Variants in ATXN2 observed in about 807,000 individuals in gnomAD.
The protein encoded by ATXN2 is ataxin-2.
Under a neutral mutation model 138.6 loss-of-function variants are expected in ATXN2, and 37 were observed. The ratio of observed to expected loss-of-function variants is 0.27; its 90% CI spans 0.21 to 0.35. The LOEUF is 0.35. Ranked by LOEUF, ATXN2 falls within the 10% of genes least tolerant of loss-of-function variation. The probability of loss-of-function intolerance (pLI) is 1.00; values close to 1 mark genes in which losing one functional copy is unlikely to be tolerated. For missense variants in ATXN2, 1,216 were observed against 1,480.3 expected (o/e 0.82, Z 2.93); for synonymous variants, 549 against 543.7 (o/e 1.01, Z -0.13).
Position 111,598,058 on chromosome 12 carries a change from T to C in ATXN2, c.251+726A>G. ...CTCCCCACCCCTTCCCTTCCCCAGG[T>C]GGGGGAGGGTGGAACGCTGCCGGAG... On this transcript the variant is annotated intron_variant, in intron 1 of 24. Coordinates refer to ENST00000673436, the MANE Select transcript of ATXN2 (RefSeq NM_001372574.1). This position sits in a 1 kb window ranked among gnomAD's most constrained non-coding sequence, Gnocchi z 4.5. The C allele has an allele frequency of 8.6e-7, 1 of 1,156,480 alleles. No individual in the cohort carries two copies. The highest frequency in any genetic ancestry group is 1.1e-6 in the Non-Finnish European group (1 of 922,536). 71.6% of individuals were successfully genotyped at this position (1,156,480 alleles called of 1,614,324 possible).
intron 17 of ATXN2, 72 bp downstream of exon 17, chr12:111,485,641 A>G: frequency 6.4e-7 from 1 of 1,554,656 alleles, no homozygotes; most frequent in Non-Finnish European, 8.8e-7. Flanking sequence ...AGTCACTGAA[A>G]ACCTAAAGAG....
chr12:111,590,362 C>T (rs1004703648), intron 1 of ATXN2, among the ~76,000 whole-genome samples: 1 of 152,076 alleles, frequency 6.6e-6, no homozygotes, highest in Admixed American at 6.6e-5. Context: ...TCCTGAAGGG[C>T]AAGTACTGTC....
chr12:111,486,859 G>A, intron 15 of ATXN2, 35 bp from the exon 16 acceptor site: 1 of 1,558,496 alleles, frequency 6.4e-7, no homozygotes. Context: ...AAATCTACAT[G>A]GACTTTACGT....
At chr12:111,579,849 G>A (rs1029996027) in intron 1 of ATXN2, among the ~76,000 whole-genome samples, 7 of 151,738 alleles carry the variant, frequency 4.6e-5, no homozygotes, top group East Asian at 1.9e-4. Flanking sequence ...ACAGGAGCGC[G>A]CCACCGTGCC....
chr12:111,493,630 A>T (rs567920360), intron 14 of ATXN2, among the ~76,000 whole-genome samples: 2 of 143,772 alleles, frequency 1.4e-5, no homozygotes, highest in Admixed American at 7.0e-5. Context: ...AAGAACTACA[A>T]TTTTTTTTTT....
At chr12:111,517,795 C>A (rs1879939638) in intron 9 of ATXN2, among the ~76,000 whole-genome samples, 1 of 152,070 alleles carries the variant, frequency 6.6e-6, no homozygotes, top group African/African-American at 2.4e-5. Context: ...TACCTCAGAT[C>A]CTTTCTTGAA....
At chr12:111,582,511 G>A (rs948987445) in intron 1 of ATXN2, among the ~76,000 whole-genome samples, 10 of 152,052 alleles carry the variant, frequency 6.6e-5, no homozygotes, top group African/African-American at 2.4e-4. Context: ...AGGAGGCTGA[G>A]GTGGGAGGAT....
intron 1 of ATXN2, among the ~76,000 whole-genome samples, chr12:111,592,031 G>C (rs1308496455): frequency 6.7e-6 from 1 of 149,796 alleles, no homozygotes; most frequent in African/African-American, 2.5e-5. Context: ...GCAGTGAGCT[G>C]AGATTGCACC....
intron 2 of ATXN2, among the ~76,000 whole-genome samples, 165 bp downstream of exon 2, chr12:111,555,718 G>A (rs1882354421): frequency 1.3e-5 from 2 of 149,428 alleles, no homozygotes; most frequent in African/African-American, 2.6e-5. Flanking sequence ...ATTTTATACA[G>A]AGTCATTAAA....
intron 14 of ATXN2, among the ~76,000 whole-genome samples, 181 bp from the exon 15 acceptor site, chr12:111,488,961 C>T (rs780895654): frequency 2.5e-4 from 38 of 152,170 alleles, no homozygotes; most frequent in Non-Finnish European, 5.0e-4. Context: ...CTATATAGCA[C>T]AACCACAGTC....
At chr12:111,498,785 G>A (rs896555617) in intron 14 of ATXN2, among the ~76,000 whole-genome samples, 9 of 152,174 alleles carry the variant, frequency 5.9e-5, no homozygotes, top group Middle Eastern at 3.4e-3. Context: ...TGAACAAAAC[G>A]GGAGGAATCA....
chr12:111,588,991 CAAAAAAAAAAAA>C (rs58116265), intron 1 of ATXN2, among the ~76,000 whole-genome samples: 1,772 of 38,728 alleles, frequency 0.046, 33 homozygotes, highest in Middle Eastern at 0.083. Context: ...CGAGATTTCT[CAAAAAAAAAAAA>C]AAAAAAAAAA....
chr12:111,597,544 G>T (rs1884998596), intron 1 of ATXN2, among the ~76,000 whole-genome samples: 2 of 152,182 alleles, frequency 1.3e-5, no homozygotes, highest in Admixed American at 1.3e-4. Context: ...ATGGAATGGA[G>T]TCTATTGACG....
At chr12:111,568,508 G>A (rs1247722518) in intron 1 of ATXN2, among the ~76,000 whole-genome samples, 1 of 152,048 alleles carries the variant, frequency 6.6e-6, no homozygotes, top group African/African-American at 2.4e-5. Flanking sequence ...CAGGTTTCTA[G>A]AATCAGACTG....
intron 1 of ATXN2, among the ~76,000 whole-genome samples, chr12:111,563,756 T>C (rs1481157496): frequency 6.6e-6 from 1 of 152,188 alleles, no homozygotes; most frequent in East Asian, 1.9e-4. Context: ...GTGATGTGAT[T>C]TGTTAACTCT....
Position 111,598,999 on chromosome 12 carries a change from C to T in ATXN2, c.36G>A (p.Gln12=), listed in dbSNP as rs758122565. ...SLKPQQQQQQ[Q]QQQQQQQQQQ... is the part of the protein sequence containing the mutation. ...GCTGTTGCTGCTGCTGCTGCTGCTG[C>T]TGCTGCTGCTGCTGCTGCTGGGGCT... is the stretch of plus-strand genomic sequence containing the variant. The change falls in exon 1 of 25, where the codon CAG becomes CAA. Residue 12 remains glutamine (Q), a synonymous_variant. Transcript: ENST00000673436. The surrounding 1 kb of genome is among the most constrained non-coding windows in gnomAD (Gnocchi z 4.5). 20 of 1,492,960 alleles carry T rather than the reference C, an allele frequency of 1.3e-5. No individual in the cohort carries two copies. Among genetic ancestry groups the T allele is most frequent in the East Asian group, 5.5e-5 (2 of 36,302 alleles). 92.5% of individuals were successfully genotyped at this position (1,492,960 alleles called of 1,614,324 possible).
chr12:111,480,893 T>C (rs1877180672), intron 18 of ATXN2, among the ~76,000 whole-genome samples: 1 of 152,182 alleles, frequency 6.6e-6, no homozygotes, highest in Non-Finnish European at 1.5e-5. Context: ...GGCCTTGAGT[T>C]AGGCAATGCT....
intron 2 of ATXN2, 93 bp downstream of exon 2, chr12:111,555,790 G>C: frequency 2.8e-6 from 3 of 1,070,554 alleles, no homozygotes; most frequent in South Asian, 1.5e-5. Flanking sequence ...AAATTCAAAA[G>C]AAGGGAATCT....
At chr12:111,515,433 A>G (rs1479976964) in intron 10 of ATXN2, among the ~76,000 whole-genome samples, 2 of 152,228 alleles carry the variant, frequency 1.3e-5, no homozygotes, top group Admixed American at 6.5e-5. Flanking sequence ...ATATGTGGCA[A>G]TGATGGATTT....
Sources: allele counts gnomAD v4.1 joint callset (sites outside exome capture counted in the v4.1 genomes callset), GRCh38; gene constraint gnomAD v4.1.1; non-coding constraint Gnocchi (gnomAD v3.1); transcripts MANE v1.5; gene names NCBI Gene and HGNC (gene_info 2026-07-23, HGNC 2026-07-21).